Variants in TSHZ2 observed in about 807,000 individuals in gnomAD.
TSHZ2 encodes the protein teashirt homolog 2.
Under a neutral mutation model 74.4 loss-of-function variants are expected in TSHZ2, and 21 were observed. The ratio of observed to expected loss-of-function variants is 0.28; its 90% CI spans 0.20 to 0.41. TSHZ2 has a LOEUF of 0.41. Ranked by LOEUF, TSHZ2 falls within the 10% of genes least tolerant of loss-of-function variation. TSHZ2 has a pLI of 1.00. For missense variants in TSHZ2, 1,244 were observed against 1,293.5 expected, an observed-to-expected ratio of 0.96 and a Z score of 0.59; for synonymous variants, 540 against 515.3, an observed-to-expected ratio of 1.05 and a Z score of -0.65.
chr20:53,239,869 TA>T (rs1406954560), intron 1 of TSHZ2, among the ~76,000 whole-genome samples: 1 of 152,180 alleles, frequency 6.6e-6, no homozygotes, highest in Non-Finnish European at 1.5e-5. Context: ...TACACATTTA[TA>T]AAAATGTATC....
intron 2 of TSHZ2, among the ~76,000 whole-genome samples, chr20:53,366,202 C>T (rs1351969220): frequency 1.3e-5 from 2 of 152,144 alleles, no homozygotes; most frequent in Non-Finnish European, 2.9e-5. Context: ...TTACTTGGTC[C>T]GGGATTCACT....
chr20:53,025,374 C>G (rs1334585107), intron 1 of TSHZ2, among the ~76,000 whole-genome samples: 1 of 152,112 alleles, frequency 6.6e-6, no homozygotes, highest in Non-Finnish European at 1.5e-5. Context: ...TGTTTAGTGA[C>G]TTCATTTAAA....
At chr20:53,112,865 T>C (rs143277242) in intron 1 of TSHZ2, among the ~76,000 whole-genome samples, 41 of 152,312 alleles carry the variant, frequency 2.7e-4, no homozygotes, top group Middle Eastern at 3.4e-3. Context: ...TCTACTGAGA[T>C]TACATGAACA....
intron 1 of TSHZ2, among the ~76,000 whole-genome samples, chr20:53,229,031 T>G (rs1310064551): frequency 6.6e-6 from 1 of 152,152 alleles, no homozygotes; most frequent in Non-Finnish European, 1.5e-5. Flanking sequence ...GTCAACACAC[T>G]CTTTGCACCT....
intron 2 of TSHZ2, among the ~76,000 whole-genome samples, chr20:53,315,705 A>G (rs756048905): frequency 2.0e-5 from 3 of 152,266 alleles, no homozygotes; most frequent in Admixed American, 1.3e-4. Flanking sequence ...TAAAACAGGC[A>G]GTGAACAAGA....
In TSHZ2 at chr20:53,131,832, C is replaced by A. The variant is rs1180232144; in HGVS notation, c.41-121667C>A. Among the ~76,000 whole-genome samples, 128 of 89,926 alleles carry A rather than the reference C, an allele frequency of 1.4e-3. 1 individual carries two copies. The highest frequency in any genetic ancestry group is 5.0e-3 in the African/African-American group (111 of 22,160). 59.0% of individuals were successfully genotyped at this position (89,926 alleles called of 152,430 possible). The stretch of plus-strand genomic sequence containing the variant: ...ACTTGAATGACAACCCCCCCCCCCC[C>A]CCAAAAAAAAAAAGCCACACTAGCA... On this transcript the variant is annotated intron_variant, in intron 1 of 2. Coordinates refer to ENST00000371497, the MANE Select transcript of TSHZ2 (RefSeq NM_173485.6).
At chr20:53,027,640 TAAAAG>T (rs1054412471) in intron 1 of TSHZ2, among the ~76,000 whole-genome samples, 6 of 151,862 alleles carry the variant, frequency 4.0e-5, no homozygotes, top group African/African-American at 1.5e-4. Context: ...AGATGAAAGA[TAAAAG>T]GAAAGACCCC....
At chr20:53,090,593 G>A (rs1417643797) in intron 1 of TSHZ2, among the ~76,000 whole-genome samples, 1 of 152,160 alleles carries the variant, frequency 6.6e-6, no homozygotes, top group Non-Finnish European at 1.5e-5. Context: ...GTAAGACTGA[G>A]GTGCACCATT....
intron 1 of TSHZ2, among the ~76,000 whole-genome samples, chr20:53,099,574 G>A (rs1421121343): frequency 2.6e-5 from 4 of 152,210 alleles, no homozygotes; most frequent in African/African-American, 9.6e-5. Context: ...CCCAAGACTG[G>A]GTAATTTATA....
At chr20:52,986,606 G>C (rs900817994) in intron 1 of TSHZ2, among the ~76,000 whole-genome samples, 7 of 151,430 alleles carry the variant, frequency 4.6e-5, no homozygotes, top group African/African-American at 1.7e-4. Context: ...GGGCATTTCT[G>C]TAATCCCAGC....
intron 2 of TSHZ2, among the ~76,000 whole-genome samples, chr20:53,293,093 A>G (rs1991311112): frequency 6.6e-6 from 1 of 152,218 alleles, no homozygotes; most frequent in Non-Finnish European, 1.5e-5. Context: ...CATTAGCACA[A>G]AGGCCACGCT....
At chr20:53,135,594 A>T (rs1205338742) in intron 1 of TSHZ2, among the ~76,000 whole-genome samples, 1 of 151,646 alleles carries the variant, frequency 6.6e-6, no homozygotes, top group African/African-American at 2.4e-5. Context: ...GTTTATTTTT[A>T]TTTTATTTTA....
intron 1 of TSHZ2, among the ~76,000 whole-genome samples, chr20:53,209,041 T>G (rs1454232393): frequency 6.6e-6 from 1 of 152,230 alleles, no homozygotes; most frequent in African/African-American, 2.4e-5. Context: ...CTTCTTTGCA[T>G]GTGAAAAAGA....
At chr20:53,215,380 T>C (rs1989412071) in intron 1 of TSHZ2, among the ~76,000 whole-genome samples, 1 of 152,048 alleles carries the variant, frequency 6.6e-6, no homozygotes, top group Non-Finnish European at 1.5e-5. Flanking sequence ...TGTCTAACCA[T>C]GCCACAGTAT....
intron 2 of TSHZ2, among the ~76,000 whole-genome samples, chr20:53,374,923 G>GAA (rs11475187): frequency 1.6e-4 from 20 of 123,432 alleles, no homozygotes; most frequent in African/African-American, 2.7e-4. Context: ...CTGTTGATAT[G>GAA]AAAAAAAAAA....
chr20:53,385,428 G>T (rs193040153), intron 2 of TSHZ2, among the ~76,000 whole-genome samples: 1 of 152,056 alleles, frequency 6.6e-6, no homozygotes, highest in Non-Finnish European at 1.5e-5. Flanking sequence ...ATACTGGGGC[G>T]CCCCAAAGGA....
At position 53,220,589 on chromosome 20, in the gene TSHZ2, C is replaced by T. The variant is rs116598229; in HGVS notation, c.41-32910C>T. Among the ~76,000 whole-genome samples, 413 of 152,302 alleles carry T rather than the reference C, an allele frequency of 2.7e-3. 1 individual carries two copies. The highest frequency in any genetic ancestry group is 9.6e-3 in the African/African-American group (401 of 41,564). On this transcript the variant is annotated intron_variant, in intron 1 of 2. Transcript: ENST00000371497. Reference sequence around the variant, plus strand: ...GATGCATTGTCTATGGCTGGTATCACGCTAAGACAGCACAGCTGAGTCGTT... The same window carrying T: ...GATGCATTGTCTATGGCTGGTATCATGCTAAGACAGCACAGCTGAGTCGTT...
chr20:53,096,214 T>C (rs1403024379), intron 1 of TSHZ2, among the ~76,000 whole-genome samples: 5 of 152,194 alleles, frequency 3.3e-5, no homozygotes, highest in Admixed American at 6.5e-5. Context: ...CAATCTCGGC[T>C]CACTGCAACC....
chr20:53,342,917 G>A (rs1249185859), intron 2 of TSHZ2, among the ~76,000 whole-genome samples: 1 of 148,538 alleles, frequency 6.7e-6, no homozygotes, highest in Non-Finnish European at 1.5e-5. Flanking sequence ...CTGGGATGAG[G>A]CCTAAGAACC....
Sources: gnomAD v4.1 joint callset for allele counts (sites outside exome capture counted in the v4.1 genomes callset) on GRCh38, gnomAD v4.1.1 for gene constraint, MANE v1.5 for transcripts, NCBI Gene and HGNC (gene_info 2026-07-23, HGNC 2026-07-21) for gene names.